Variants in ISLR2 observed in about 807,000 individuals in gnomAD.
The protein encoded by ISLR2 is immunoglobulin superfamily containing leucine-rich repeat protein 2.
In ISLR2, 16 loss-of-function variants were observed where a neutral mutation model predicts 25.5. That is an observed-to-expected ratio of 0.63 (90% CI 0.43 to 0.95). The LOEUF (loss-of-function observed/expected upper bound fraction) is 0.95. ISLR2 is among the 40% of genes least tolerant of loss of function. ISLR2 has a pLI of 0.00. For synonymous variants in ISLR2, 508 were observed against 486.6 expected, an observed-to-expected ratio of 1.04 and a Z score of -0.58; for missense variants, 883 against 1,030.7, an observed-to-expected ratio of 0.86 and a Z score of 1.96.
chr15:74,130,487 C>CG (rs899837747), upstream of ISLR2: 1 of 152,586 alleles, frequency 6.6e-6, no homozygotes, highest in African/African-American at 2.4e-5. Flanking sequence ...GCCTTCCCCC[C>CG]CCACTTCAGC....
chr15:74,111,188 A>C (rs2072164804), intron 2 of ISLR2, among the ~76,000 whole-genome samples: 1 of 151,866 alleles, frequency 6.6e-6, no homozygotes, highest in Admixed American at 6.6e-5. Context: ...GAGCATGCAC[A>C]ACTTGGATGT....
At position 74,111,299 on chromosome 15, in the gene ISLR2, TG is replaced by T. The variant is rs566380794; in HGVS notation, n.228+7386del. Among the ~76,000 whole-genome samples, 5 of 152,152 alleles carry T rather than the reference TG, an allele frequency of 3.3e-5. No individual in the cohort carries two copies. The East Asian group carries it at 9.7e-4, about 29-fold the overall frequency. The stretch of plus-strand genomic sequence containing the variant: ...TAATGTTCTTTTTTCGTTTGGTTTT[TG>T]TTTTGTTTTTGAGACAAAGTCTCAC... On this transcript the variant is annotated intron_variant and non_coding_transcript_variant, in intron 2 of 3. Coordinates refer to the ISLR2 transcript ENST00000561975.
downstream of ISLR2, among the ~76,000 whole-genome samples, chr15:74,139,590 CA>C (rs1470801194): frequency 6.6e-6 from 1 of 152,262 alleles, no homozygotes; most frequent in South Asian, 2.1e-4. Flanking sequence ...TCCAGGGAAT[CA>C]GTTGTTTAGC....
At chr15:74,116,231 A>C (rs1421558381) in intron 2 of ISLR2, among the ~76,000 whole-genome samples, 17 of 152,032 alleles carry the variant, frequency 1.1e-4, no homozygotes. Flanking sequence ...GAGACGAAAA[A>C]GTTAACTCTG....
intron 2 of ISLR2, among the ~76,000 whole-genome samples, chr15:74,109,462 C>T (rs554090381): frequency 1.3e-5 from 2 of 152,228 alleles, no homozygotes; most frequent in Non-Finnish European, 2.9e-5. Flanking sequence ...CTGCACAACC[C>T]CAGGGGCAGG....
At chr15:74,124,644 A>G (rs1472154399), upstream of ISLR2, among the ~76,000 whole-genome samples, 1 of 152,206 alleles carries the variant, frequency 6.6e-6, no homozygotes, top group Non-Finnish European at 1.5e-5. Flanking sequence ...CTGTAATCCA[A>G]GCAACTCGGG....
chr15:74,117,907 C>T (rs190904742), intron 2 of ISLR2, among the ~76,000 whole-genome samples: 81 of 152,324 alleles, frequency 5.3e-4, no homozygotes, highest in Non-Finnish European at 8.8e-4. Flanking sequence ...TTCCCACTGA[C>T]ACCACGAAGC....
chr15:74,114,076 A>T (rs12324770), intron 2 of ISLR2, among the ~76,000 whole-genome samples: 3,829 of 152,336 alleles, frequency 0.025, 161 homozygotes, highest in African/African-American at 0.088. Flanking sequence ...ACTGATCCTC[A>T]TTGCCTGAAC....
At chr15:74,128,204 G>C (rs1595943294), upstream of ISLR2, 2 of 319,640 alleles carry the variant, frequency 6.3e-6, no homozygotes, top group East Asian at 2.1e-4. Flanking sequence ...GGCAGATCCA[G>C]AAGTCGCGGC....
At chr15:74,121,404 T>C (rs1205317214) in intron 2 of ISLR2, among the ~76,000 whole-genome samples, 1 of 152,028 alleles carries the variant, frequency 6.6e-6, no homozygotes, top group Non-Finnish European at 1.5e-5. Flanking sequence ...CAGGAAAGTC[T>C]ATTTGGGGCA....
intron 2 of ISLR2, among the ~76,000 whole-genome samples, chr15:74,121,281 A>G (rs1036130083): frequency 5.3e-5 from 8 of 152,148 alleles, no homozygotes; most frequent in Non-Finnish European, 8.8e-5. Flanking sequence ...AAATAAATAC[A>G]TCAAGTTCCC....
chr15:74,123,131 G>C (rs1384686859), upstream of ISLR2, among the ~76,000 whole-genome samples: 2 of 152,112 alleles, frequency 1.3e-5, no homozygotes, highest in Non-Finnish European at 2.9e-5. Context: ...AGAGCCTTTG[G>C]TAAGTGTTTT....
In ISLR2 at chr15:74,133,099, G is replaced by T; in HGVS notation, c.345G>T (p.Pro115=). The part of the protein sequence containing the change: ...DLSHNFISSF[P]WSDLRNLSAL... ...GCCACAACTTCATATCCAGCTTTCC[G>T]TGGAGCGACCTGCGCAACCTGAGCG... Residue 115 remains proline (P), a synonymous_variant, in exon 3 of 3, where the codon CCG becomes CCT. Transcript: ENST00000453268. 1 of 1,612,754 alleles carries T rather than the reference G, an allele frequency of 6.2e-7. No individual in the cohort carries two copies. Among genetic ancestry groups the T allele is most frequent in the Non-Finnish European group, 8.5e-7 (1 of 1,180,000 alleles).
At chr15:74,137,018 G>A (rs2072576974), downstream of ISLR2, among the ~76,000 whole-genome samples, 2 of 152,198 alleles carry the variant, frequency 1.3e-5, no homozygotes, top group Admixed American at 1.3e-4. Flanking sequence ...AAAAAACGAG[G>A]GCAGGCTGCA....
At position 74,134,374 on chromosome 15, in the gene ISLR2, A is replaced by G. The variant is rs902974824; in HGVS notation, c.1620A>G (p.Ala540=). 1.2e-6 allele frequency: 2 copies of G among 1,605,636 alleles called. No homozygotes were observed. Among genetic ancestry groups the G allele is most frequent in the African/African-American group, 2.7e-5 (2 of 75,010 alleles). Residue 540 remains alanine (A), a synonymous_variant, in exon 3 of 3, where the codon GCA becomes GCG. Transcript: ENST00000453268. ...TGTGTCCAGCGGGGGGCGGCGCGGC[A>G]GTGCAGTGGTCCCGCGTAGAGGAAG... ...LYLCPAGGGA[A]VQWSRVEEGV...
upstream of ISLR2, chr15:74,128,657 G>A (rs554389466): frequency 2.2e-5 from 10 of 456,326 alleles, no homozygotes; most frequent in African/African-American, 1.2e-4. Context: ...AAAGAAAATA[G>A]GTAAAAACCG....
Position 74,134,903 on chromosome 15 carries a change from T to A in ISLR2, c.2149T>A (p.Ser717Thr). Residue 717 changes from serine (S) to threonine (T), a missense_variant, in exon 3 of 3, where the codon TCT becomes ACT. Coordinates refer to ENST00000453268, the MANE Select transcript of ISLR2 (RefSeq NM_020851.3). ...CAACCAAGAGGAGTTCGAGGCGGGC[T>A]CTGAGTACAGCGATCGGCTGCCCCT... ...KANQEEFEAG[S>T]EYSDRLPLGA... 1 of 1,613,996 alleles carries A rather than the reference T, an allele frequency of 6.2e-7. No individual in the cohort carries two copies. Among genetic ancestry groups the A allele is most frequent in the South Asian group, 1.1e-5 (1 of 91,068 alleles).
upstream of ISLR2, chr15:74,129,485 T>C (rs1891538979): frequency 6.1e-6 from 1 of 164,386 alleles, no homozygotes; most frequent in African/African-American, 2.4e-5. The surrounding 1 kb of genome is among the most constrained non-coding windows in gnomAD (Gnocchi z 4.5). Context: ...GCTCAGTGGC[T>C]ACAGAATGGG....
At chr15:74,124,920 T>G (rs1038633664), upstream of ISLR2, among the ~76,000 whole-genome samples, 1 of 152,232 alleles carries the variant, frequency 6.6e-6, no homozygotes, top group African/African-American at 2.4e-5. Flanking sequence ...CTGATGTCAC[T>G]GAGCCGCTGA....
Sources: allele counts gnomAD v4.1 joint callset (sites outside exome capture counted in the v4.1 genomes callset), GRCh38; gene constraint gnomAD v4.1.1; non-coding constraint Gnocchi (gnomAD v3.1); transcripts MANE v1.5; gene names NCBI Gene and HGNC (gene_info 2026-07-23, HGNC 2026-07-21).